RTTN: variants seen among roughly 807,000 people sequenced by gnomAD.
The protein encoded by RTTN is rotatin.
A neutral mutation model predicts 269.2 loss-of-function variants in RTTN; 182 were observed. The ratio of observed to expected loss-of-function variants is 0.68; its 90% CI spans 0.60 to 0.76. RTTN has a LOEUF of 0.76. Among genes scored for constraint, RTTN ranks in the 30% least tolerant of loss-of-function variants. RTTN has a pLI of 0.00. For missense variants in RTTN, 2,545 were observed against 2,608.6 expected (o/e 0.98, Z 0.53); for synonymous variants, 1,006 against 963.5 (o/e 1.04, Z -0.82).
chr18:70,148,936 C>T lies in RTTN; in HGVS notation c.2274G>A (p.Lys758=), dbSNP rs1229298270. ...TCACTAGCAAAAGTCGCAGCATGGA[C>T]TTTAATCGGGTAGTACACGGAAGCA... is the stretch of plus-strand genomic sequence containing the variant. ...EEMLPCTTRL[K]SMLRLLLVKK... is the part of the protein sequence containing the mutation. The change falls in exon 17 of 49, where the codon AAG becomes AAA. Residue 758 remains lysine, a synonymous_variant. Transcript: ENST00000640769. The T allele has an allele frequency of 6.2e-7, 1 of 1,613,440 alleles. No homozygotes were observed. The highest frequency in any genetic ancestry group is 1.7e-5 in the Admixed American group (1 of 59,960).
chr18:70,152,567 G>C (rs966164983), intron 14 of RTTN, among the ~76,000 whole-genome samples: 7 of 152,006 alleles, frequency 4.6e-5, no homozygotes, highest in African/African-American at 1.7e-4. Context: ...GATATAAAAA[G>C]GCATGTCAAA....
chr18:70,019,697 A>T (rs2056647115), intron 45 of RTTN: 1 of 152,144 alleles, frequency 6.6e-6, no homozygotes, highest in Non-Finnish European at 1.5e-5. Flanking sequence ...AATTCCTGCA[A>T]ATTTAAGATG....
chr18:70,120,763 T>A (rs578207666), intron 26 of RTTN, among the ~76,000 whole-genome samples: 1 of 152,096 alleles, frequency 6.6e-6, no homozygotes, highest in African/African-American at 2.4e-5. Context: ...TTTAGAAAAA[T>A]TTTAGAGCCA....
intron 16 of RTTN, among the ~76,000 whole-genome samples, chr18:70,149,312 T>A (rs1020401544): frequency 1.3e-5 from 2 of 152,110 alleles, no homozygotes; most frequent in Non-Finnish European, 2.9e-5. Context: ...ATTCTAATAG[T>A]GGCACCTCCC....
At chr18:70,047,204 C>G (rs2057515341) in intron 40 of RTTN, among the ~76,000 whole-genome samples, 1 of 152,164 alleles carries the variant, frequency 6.6e-6, no homozygotes, top group Non-Finnish European at 1.5e-5. Context: ...GCAAATTCTT[C>G]AATCAACAAT....
At chr18:70,139,980 T>C (rs2060216101) in intron 20 of RTTN, 120 bp downstream of exon 20, 9 of 722,522 alleles carry the variant, frequency 1.2e-5, no homozygotes, top group Admixed American at 2.9e-5. Flanking sequence ...ATGAATGAGA[T>C]AGGAGGTGTT....
intron 16 of RTTN, 44 bp from the exon 17 acceptor site, chr18:70,149,081 A>G: frequency 1.9e-6 from 3 of 1,555,608 alleles, no homozygotes; most frequent in Non-Finnish European, 2.6e-6. Context: ...CTAATTGTAT[A>G]CATAACTTTT....
chr18:70,116,111 TA>T (rs909219144), intron 26 of RTTN, among the ~76,000 whole-genome samples: 1 of 151,950 alleles, frequency 6.6e-6, no homozygotes, highest in Admixed American at 6.6e-5. Context: ...TAGTAAATCA[TA>T]AAAATAAATA....
intron 45 of RTTN, among the ~76,000 whole-genome samples, 190 bp from the exon 46 acceptor site, chr18:70,017,864 G>A (rs1188510757): frequency 6.6e-6 from 1 of 152,100 alleles, no homozygotes; most frequent in Non-Finnish European, 1.5e-5. Flanking sequence ...GAACAAAATA[G>A]TGCTCAAGTT....
intron 28 of RTTN, among the ~76,000 whole-genome samples, chr18:70,102,876 T>C (rs1043533534): frequency 6.6e-6 from 1 of 152,234 alleles, no homozygotes; most frequent in African/African-American, 2.4e-5. Context: ...AATTCTTTTC[T>C]TTAAGAATGT....
At chr18:70,067,311 C>T (rs960469566) in intron 34 of RTTN, among the ~76,000 whole-genome samples, 1 of 152,114 alleles carries the variant, frequency 6.6e-6, no homozygotes, top group African/African-American at 2.4e-5. Flanking sequence ...AGGCGCCCGC[C>T]ACCACGCCCG....
At chr18:70,040,995 G>A (rs559861952) in intron 40 of RTTN, among the ~76,000 whole-genome samples, 178 of 152,208 alleles carry the variant, frequency 1.2e-3, no homozygotes, top group Admixed American at 1.9e-3. Context: ...CAAGGTGGAC[G>A]GAACACCTGA....
At chr18:70,040,094 AC>A (rs1417788608) in intron 40 of RTTN, among the ~76,000 whole-genome samples, 2 of 152,194 alleles carry the variant, frequency 1.3e-5, no homozygotes, top group African/African-American at 2.4e-5. Flanking sequence ...AAATAACAAA[AC>A]GGCAGAAGGC....
Position 70,121,655 on chromosome 18 carries a change from T to C in RTTN, c.3429A>G (p.Leu1143=). The part of the protein sequence containing the change: ...LPACTEDEKL[L]IDIIHFLNKL... ...TATTTAAAAAATGTATGATATCTATTAGCAGTTTCTCATCTTCAGTGCAAG... is the reference window on the plus strand; with the variant it reads ...TATTTAAAAAATGTATGATATCTATCAGCAGTTTCTCATCTTCAGTGCAAG... Residue 1143 remains leucine (L), a synonymous_variant, in exon 26 of 49, where the codon CTA becomes CTG. Coordinates refer to ENST00000640769, the MANE Select transcript of RTTN (RefSeq NM_173630.4). The C allele has an allele frequency of 6.4e-7, 1 of 1,571,016 alleles. No homozygotes were observed. Among genetic ancestry groups the C allele is most frequent in the Non-Finnish European group, 8.6e-7 (1 of 1,164,852 alleles).
At position 70,148,530 on chromosome 18, in the gene RTTN, T is replaced by G. The variant is rs115572511; in HGVS notation, c.2309+371A>C. Among the ~76,000 whole-genome samples, 1,452 of 152,258 alleles carry G rather than the reference T, an allele frequency of 9.5e-3. 22 individuals are homozygous for G. The highest frequency in any genetic ancestry group is 0.033 in the African/African-American group (1,383 of 41,548). ...TGAAAAACTGAATATTCAGAACAGA[T>G]GTTTACAAAAGGATCACTCTGGAAG... On this transcript the variant is annotated intron_variant, in intron 17 of 48. Coordinates refer to ENST00000640769, the MANE Select transcript of RTTN (RefSeq NM_173630.4).
At chr18:70,063,580 T>C (rs1483989376) in intron 35 of RTTN, among the ~76,000 whole-genome samples, 1 of 152,060 alleles carries the variant, frequency 6.6e-6, no homozygotes, top group Non-Finnish European at 1.5e-5. Flanking sequence ...AAAATAATGA[T>C]AAATCTTTGG....
At chr18:70,124,510 A>T (rs11151568) in intron 25 of RTTN, among the ~76,000 whole-genome samples, 121,172 of 152,024 alleles carry the variant, frequency 0.8, 52,289 homozygotes, top group East Asian at 1. Flanking sequence ...AGATATTCAC[A>T]AGGCAGCCAA....
intron 24 of RTTN, 53 bp downstream of exon 24, chr18:70,128,305 T>C: frequency 1.4e-6 from 2 of 1,455,198 alleles, no homozygotes; most frequent in Middle Eastern, 1.8e-4. Flanking sequence ...ACTTAACTAA[T>C]TAATTACAAT....
chr18:70,190,914 G>A (rs1337116095), intron 8 of RTTN, among the ~76,000 whole-genome samples, 195 bp from the exon 9 acceptor site: 3 of 152,206 alleles, frequency 2.0e-5, no homozygotes, highest in African/African-American at 4.8e-5. Flanking sequence ...AAGGCCAGGA[G>A]TGGTGGCTCA....
Sources: allele counts gnomAD v4.1 joint callset (sites outside exome capture counted in the v4.1 genomes callset), GRCh38; gene constraint gnomAD v4.1.1; transcripts MANE v1.5; gene names NCBI Gene and HGNC (gene_info 2026-07-23, HGNC 2026-07-21).